Variants in KMT2E observed in about 807,000 individuals in gnomAD.
The protein encoded by KMT2E is lysine methyltransferase 2E (inactive).
Under a neutral mutation model 184.6 loss-of-function variants are expected in KMT2E, and 30 were observed. That is an observed-to-expected ratio of 0.16 (90% CI 0.12 to 0.22). KMT2E has a LOEUF of 0.22. Among genes scored for constraint, KMT2E ranks in the 10% least tolerant of loss-of-function variants. KMT2E has a pLI of 1.00. For missense variants in KMT2E, 2,023 were observed against 2,237.4 expected (o/e 0.90, Z 1.93); for synonymous variants, 815 against 776.5 (o/e 1.05, Z -0.82).
At chr7:105,024,983 G>A (rs1331383802) in intron 1 of KMT2E, among the ~76,000 whole-genome samples, 1 of 152,090 alleles carries the variant, frequency 6.6e-6, no homozygotes, top group Non-Finnish European at 1.5e-5. Context: ...TACAAATTGG[G>A]ATCAAGTTGT....
chr7:105,034,884 T>G (rs1795571000), intron 1 of KMT2E, among the ~76,000 whole-genome samples: 1 of 150,664 alleles, frequency 6.6e-6, no homozygotes. Flanking sequence ...GGATGGAGTT[T>G]TCGCTTTGTC....
At chr7:105,102,565 A>G (rs1798699129) in intron 17 of KMT2E, 1 of 155,638 alleles carries the variant, frequency 6.4e-6, no homozygotes, top group Non-Finnish European at 1.4e-5. Context: ...ATGTGAAGAA[A>G]TTGATTTCCA....
intron 16 of KMT2E, 95 bp from the exon 17 acceptor site, chr7:105,101,791 C>A: frequency 1.8e-6 from 2 of 1,137,296 alleles, no homozygotes; most frequent in Non-Finnish European, 2.4e-6. Context: ...TCAAAAATTC[C>A]AGAAAGTTGG....
chr7:105,093,909 A>G (rs1243544636), intron 15 of KMT2E, among the ~76,000 whole-genome samples: 2 of 152,206 alleles, frequency 1.3e-5, no homozygotes, highest in Non-Finnish European at 2.9e-5. Context: ...TGGGAATAAA[A>G]TGTGGAAAAC....
intron 3 of KMT2E, among the ~76,000 whole-genome samples, chr7:105,043,076 A>G (rs1463653880): frequency 6.6e-5 from 10 of 152,168 alleles, no homozygotes; most frequent in Non-Finnish European, 8.8e-5. Context: ...TAAATTTTTA[A>G]TTGGGAAGAA....
At chr7:105,041,258 T>G (rs1795866608) in intron 3 of KMT2E, among the ~76,000 whole-genome samples, 1 of 152,194 alleles carries the variant, frequency 6.6e-6, no homozygotes, top group Admixed American at 6.5e-5. Flanking sequence ...GATTGAGGTA[T>G]TGACATGACT....
At chr7:105,046,890 TGA>T (rs1562889505) in intron 3 of KMT2E, among the ~76,000 whole-genome samples, 5 of 152,228 alleles carry the variant, frequency 3.3e-5, no homozygotes, top group Admixed American at 6.5e-5. Context: ...GTGTCAAATG[TGA>T]TCCCAAGACC....
In KMT2E at chr7:105,091,280, C is replaced by T; in HGVS notation, c.1688C>T (p.Ser563Leu). The T allele has an allele frequency of 6.2e-7, 1 of 1,605,866 alleles. No individual in the cohort carries two copies. Among genetic ancestry groups the T allele is most frequent in the Non-Finnish European group, 8.5e-7 (1 of 1,172,814 alleles). ...TPISNEVEMESEEQIAERKRK... is the reference protein window; with the variant it reads ...TPISNEVEMELEEQIAERKRK... Reference sequence around the variant, plus strand: ...ATTAGTAATGAAGTAGAAATGGAATCAGAGGAGCAGATTGCAGAAAGGAAA... The same window carrying T: ...ATTAGTAATGAAGTAGAAATGGAATTAGAGGAGCAGATTGCAGAAAGGAAA... The change falls in exon 15 of 27, where the codon TCA becomes TTA. Residue 563 changes from serine to leucine, a missense_variant. This residue lies in a region of KMT2E where 514 missense variants were observed against 621.8 expected (regional missense o/e 0.83). Coordinates refer to ENST00000311117, the MANE Select transcript of KMT2E (RefSeq NM_182931.3).
intron 13 of KMT2E, among the ~76,000 whole-genome samples, chr7:105,083,964 A>G (rs1797862414): frequency 6.6e-6 from 1 of 152,062 alleles, no homozygotes; most frequent in Admixed American, 6.6e-5. Context: ...TAATGACTTC[A>G]CTTTTTCTAG....
rs368083746 is a variant in KMT2E, at chr7:105,091,012, A to G, written c.1624-204A>G. 9.2e-5 allele frequency among the ~76,000 whole-genome samples: 14 copies of G among 152,346 alleles called. No homozygotes were observed. The East Asian group carries it at 2.7e-3, about 29-fold the overall frequency. On this transcript the variant is annotated intron_variant, in intron 14 of 26. Coordinates refer to ENST00000311117, the MANE Select transcript of KMT2E (RefSeq NM_182931.3). Reference sequence around the variant, plus strand: ...TATATTGATAAAAACTTGATTGGCTAAAATTTAAAAAGCGAAAGTATTTGA... The same window carrying G: ...TATATTGATAAAAACTTGATTGGCTGAAATTTAAAAAGCGAAAGTATTTGA...
rs1799380653 is a variant in KMT2E at position 105,112,823 on chromosome 7, TCAC to T, written c.5070_5072del (p.His1691del). ...CACCCCCTCCTGGTCCTGCCCCTCA[TCAC>T]CATCCACCACCCCATCCATCCACAG... On this transcript the variant is annotated inframe_deletion, in exon 27 of 27. Transcript: ENST00000311117. The T allele has an allele frequency of 1.0e-6, 1 of 993,086 alleles. No homozygotes were observed. The highest frequency in any genetic ancestry group is 3.0e-5 in the African/African-American group (1 of 33,466). 61.5% of individuals were successfully genotyped at this position (993,086 alleles called of 1,614,324 possible). A position where few individuals can be genotyped will look rare whatever the true frequency, so the allele number is the denominator to read the frequency against.
intron 15 of KMT2E, among the ~76,000 whole-genome samples, chr7:105,095,260 GTTTATA>G (rs1442966349): frequency 9.2e-5 from 14 of 152,002 alleles, no homozygotes; most frequent in South Asian, 2.1e-4. Flanking sequence ...GGTAATACAT[GTTTATA>G]TTTATGTATA....
chr7:105,110,741 T>C lies in KMT2E; in HGVS notation c.3971-30T>C. On this transcript the variant is annotated intron_variant, in intron 25 of 26. Transcript: ENST00000311117. The stretch of plus-strand genomic sequence containing the variant: ...AAACAGTGTTTATTGTGTAATTTTA[T>C]ACTTACTATAGGTTTCTTCTGCTTT... 1.9e-6 allele frequency: 3 copies of C among 1,596,726 alleles called. No homozygotes were observed. In the South Asian group the frequency reaches 3.3e-5, roughly 18 times the overall value.
intron 15 of KMT2E, among the ~76,000 whole-genome samples, chr7:105,095,414 G>T (rs556890085): frequency 6.6e-6 from 1 of 152,220 alleles, no homozygotes; most frequent in Admixed American, 6.5e-5. Context: ...AATATATTTG[G>T]TTGGGATTAT....
chr7:105,068,286 C>G (rs1004946226), intron 6 of KMT2E, among the ~76,000 whole-genome samples: 1 of 151,472 alleles, frequency 6.6e-6, no homozygotes, highest in South Asian at 2.1e-4. Flanking sequence ...AGACTATTTT[C>G]ATAGTTAGAC....
chr7:105,112,793 A>AACC lies in KMT2E; in HGVS notation c.5037_5038insACC (p.Pro1679_Pro1680insThr). The AACC allele has an allele frequency of 6.4e-6, 3 of 470,472 alleles. No individual in the cohort carries two copies. Among genetic ancestry groups the AACC allele is most frequent in the Non-Finnish European group, 9.3e-6 (3 of 323,356 alleles). 29.1% of individuals were successfully genotyped at this position (470,472 alleles called of 1,614,324 possible). ...AAACTGCTGGACACCACTTACCCCC[A>AACC]CCCCCACCCCCTCCTGGTCCTGCCC... is the stretch of plus-strand genomic sequence containing the variant. On this transcript the variant is annotated inframe_insertion, in exon 27 of 27. Coordinates refer to ENST00000311117, the MANE Select transcript of KMT2E (RefSeq NM_182931.3).
intron 1 of KMT2E, among the ~76,000 whole-genome samples, chr7:105,016,142 C>T (rs1794709270): frequency 6.6e-6 from 1 of 152,126 alleles, no homozygotes; most frequent in East Asian, 1.9e-4. Context: ...CACCTCTTGA[C>T]CCATTTTGTG....
chr7:105,042,409 T>C (rs1584716736), intron 3 of KMT2E, among the ~76,000 whole-genome samples: 1 of 152,358 alleles, frequency 6.6e-6, no homozygotes, highest in South Asian at 2.1e-4. Context: ...ATTGTATTCA[T>C]ATAATGTTCT....
At position 105,034,590 on chromosome 7, in the gene KMT2E, A is replaced by G. The variant is rs75886724; in HGVS notation, c.-188-3536A>G. Among the ~76,000 whole-genome samples, 1,347 of 152,070 alleles carry G rather than the reference A, an allele frequency of 8.9e-3. 19 individuals are homozygous for G. The highest frequency in any genetic ancestry group is 0.03 in the African/African-American group (1,252 of 41,456). On this transcript the variant is annotated intron_variant, in intron 1 of 26. Transcript: ENST00000311117. ...CCTTTTATTCAGGCTTCCCAGTTGT[A>G]TTTGCACTCATTTGTTTGTCTAGAT...
Sources: gnomAD v4.1 joint callset for allele counts (sites outside exome capture counted in the v4.1 genomes callset) on GRCh38, gnomAD v4.1.1 for gene constraint, gnomAD v4.1.1 regional missense constraint, MANE v1.5 for transcripts, NCBI Gene and HGNC (gene_info 2026-07-23, HGNC 2026-07-21) for gene names.